TMEM164: variants seen among roughly 807,000 people sequenced by gnomAD.
TMEM164 encodes the protein RP13-360B22.2.
In TMEM164, 4 loss-of-function variants were observed where a neutral mutation model predicts 18.8. The ratio of observed to expected loss-of-function variants is 0.21; its 90% CI spans 0.10 to 0.49. The LOEUF is 0.49. Ranked by LOEUF, TMEM164 falls within the 20% of genes least tolerant of loss-of-function variation. The pLI is 0.98. For synonymous variants in TMEM164, 86 were observed against 101.7 expected, an observed-to-expected ratio of 0.85 and a Z score of 0.93; for missense variants, 108 against 239.9, an observed-to-expected ratio of 0.45 and a Z score of 3.63.
chrX:110,121,361 T>G (rs2066447005), intron 4 of TMEM164, among the ~76,000 whole-genome samples: 1 of 112,328 alleles, frequency 8.9e-6, no homozygotes, highest in Non-Finnish European at 1.9e-5. Flanking sequence ...CATTCCTTCT[T>G]TCCTTGTTCT....
intron 3 of TMEM164, among the ~76,000 whole-genome samples, chrX:110,073,524 G>A (rs760587655): frequency 8.9e-6 from 1 of 112,076 alleles, no homozygotes; most frequent in Non-Finnish European, 1.9e-5. Flanking sequence ...TGGTATACAT[G>A]TACTATATTT....
At position 110,004,069 on chromosome X, in the gene TMEM164, C is replaced by G; in HGVS notation, c.295C>G (p.Leu99Val). ...GAGCAAGAATCTGCTCTTAGTAGCC[C>G]TGTGCCTGACCTTCGGGGTGGAGGT... ...SLSKNLLLVA[L>V]CLTFGVEVGF... The change falls in exon 2 of 7, where the codon CTG becomes GTG. Residue 99 changes from leucine to valine, a missense_variant. Physicochemically the swap from Leu to Val is conservative, Grantham distance 32 (BLOSUM62 1). Coordinates refer to ENST00000372068, the MANE Select transcript of TMEM164 (RefSeq NM_032227.4). The G allele has an allele frequency of 8.3e-7, 1 of 1,211,476 alleles. No homozygotes were observed. The highest frequency in any genetic ancestry group is 1.1e-6 in the Non-Finnish European group (1 of 895,494).
chrX:110,039,628 G>T (rs759644919), intron 2 of TMEM164, among the ~76,000 whole-genome samples: 1 of 111,935 alleles, frequency 8.9e-6, no homozygotes, highest in East Asian at 2.8e-4. Flanking sequence ...GCGGGGGATG[G>T]ATATTGTTTT....
intron 3 of TMEM164, among the ~76,000 whole-genome samples, chrX:110,084,606 A>G (rs2065825324): frequency 9.7e-6 from 1 of 103,400 alleles, no homozygotes; most frequent in Admixed American, 1.1e-4. Context: ...GTGCCACTGC[A>G]CTCAGCCTGG....
intron 2 of TMEM164, among the ~76,000 whole-genome samples, chrX:110,066,179 T>C (rs1220337165): frequency 9.0e-6 from 1 of 111,642 alleles, no homozygotes; most frequent in East Asian, 2.8e-4. Context: ...TTTCTTATAA[T>C]ACCCTTTTCT....
At chrX:110,047,300 C>G (rs1935355944) in intron 2 of TMEM164, among the ~76,000 whole-genome samples, 1 of 112,227 alleles carries the variant, frequency 8.9e-6, no homozygotes, top group Non-Finnish European at 1.9e-5. Context: ...AATTAGATGA[C>G]ACTTAACACT....
chrX:110,019,650 C>T (rs902474229), intron 2 of TMEM164, among the ~76,000 whole-genome samples: 2 of 111,936 alleles, frequency 1.8e-5, no homozygotes, highest in African/African-American at 6.5e-5. Flanking sequence ...TGTCCCTGGC[C>T]GACTGTGCTA....
chrX:110,089,521 A>T (rs184140975), intron 3 of TMEM164, among the ~76,000 whole-genome samples: 2 of 112,458 alleles, frequency 1.8e-5, no homozygotes, highest in African/African-American at 6.5e-5. Flanking sequence ...TCTACATATG[A>T]TACTTTGTAA....
intron 3 of TMEM164, among the ~76,000 whole-genome samples, chrX:110,068,677 A>G (rs1438597470): frequency 7.2e-5 from 8 of 111,871 alleles, no homozygotes; most frequent in Admixed American, 1.9e-4. Context: ...ATAGGTGTGT[A>G]AATCATAAAT....
intron 3 of TMEM164, among the ~76,000 whole-genome samples, chrX:110,092,969 G>A (rs375519842): frequency 5.4e-5 from 6 of 111,811 alleles, no homozygotes; most frequent in Admixed American, 4.8e-4. Context: ...TGAGATAATC[G>A]TGTGGTTTTT....
chrX:110,008,940 A>G (rs932662290), intron 2 of TMEM164, among the ~76,000 whole-genome samples: 11 of 111,556 alleles, frequency 9.9e-5, no homozygotes, highest in African/African-American at 3.6e-4. Flanking sequence ...CTTTCTTGAT[A>G]GCTTCTAGAA....
intron 3 of TMEM164, among the ~76,000 whole-genome samples, chrX:110,080,684 TC>T (rs1339456577): frequency 8.9e-6 from 1 of 111,851 alleles, no homozygotes; most frequent in African/African-American, 3.3e-5. Flanking sequence ...CTAGCATAAT[TC>T]CCTGGAGAGT....
At chrX:110,118,441 A>G (rs1224838198) in intron 4 of TMEM164, among the ~76,000 whole-genome samples, 3 of 111,666 alleles carry the variant, frequency 2.7e-5, no homozygotes, top group Non-Finnish European at 5.6e-5. Context: ...AAAAATAGAC[A>G]CAGAGAGATT....
intron 3 of TMEM164, among the ~76,000 whole-genome samples, chrX:110,075,152 TCTC>T (rs1270299931): frequency 9.0e-6 from 1 of 111,714 alleles, no homozygotes; most frequent in Non-Finnish European, 1.9e-5. Context: ...GTTTTTTAGT[TCTC>T]CTCGTAAAGA....
At chrX:110,071,074 C>T (rs2065580334) in intron 3 of TMEM164, among the ~76,000 whole-genome samples, 1 of 111,012 alleles carries the variant, frequency 9.0e-6, no homozygotes, top group South Asian at 3.7e-4. Context: ...TTTCTGTACT[C>T]CTCCATATTT....
chrX:110,148,728 G>C (rs1313823972), intron 5 of TMEM164, among the ~76,000 whole-genome samples: 3 of 77,581 alleles, frequency 3.9e-5, no homozygotes, highest in African/African-American at 1.5e-4. Context: ...GTTTTGCCAT[G>C]TTGCTCAGGC....
chrX:110,132,396 C>T (rs1473185262), intron 4 of TMEM164, among the ~76,000 whole-genome samples: 1 of 111,713 alleles, frequency 9.0e-6, no homozygotes, highest in Non-Finnish European at 1.9e-5. Flanking sequence ...CTACCTCCCT[C>T]TCCACCCTGA....
intron 4 of TMEM164, among the ~76,000 whole-genome samples, chrX:110,139,863 T>G (rs982665886): frequency 9.2e-6 from 1 of 108,210 alleles, no homozygotes; most frequent in African/African-American, 3.4e-5. Flanking sequence ...ATTGTGAGAG[T>G]AGGGATATTA....
downstream of TMEM164, among the ~76,000 whole-genome samples, chrX:110,178,783 C>T (rs1271944616): frequency 8.9e-6 from 1 of 112,699 alleles, no homozygotes; most frequent in African/African-American, 3.2e-5. Context: ...CATCAAAGTA[C>T]AATTAGCTGA....
Sources: allele counts gnomAD v4.1 joint callset (sites outside exome capture counted in the v4.1 genomes callset), GRCh38; gene constraint gnomAD v4.1.1; transcripts MANE v1.5; gene names NCBI Gene and HGNC (gene_info 2026-07-23, HGNC 2026-07-21).